Variants in CNTNAP2 observed in about 807,000 individuals in gnomAD.
CNTNAP2 encodes contactin associated protein 2, also known as contactin-associated protein-like 2.
CNTNAP2 carries 98 observed loss-of-function variants against 155.2 expected under a neutral mutation model. The ratio of observed to expected loss-of-function variants is 0.63; its 90% CI spans 0.54 to 0.75. The LOEUF is 0.75. CNTNAP2 is among the 30% of genes least tolerant of loss of function. CNTNAP2 has a pLI of 0.00. For missense variants in CNTNAP2, 1,727 were observed against 1,688.1 expected (o/e 1.02, Z -0.40); for synonymous variants, 651 against 631.2 (o/e 1.03, Z -0.47).
intron 1 of CNTNAP2, among the ~76,000 whole-genome samples, chr7:146,150,692 G>A (rs766659711): frequency 6.6e-6 from 1 of 151,856 alleles, no homozygotes; most frequent in Non-Finnish European, 1.5e-5. Flanking sequence ...ACATTAAATA[G>A]TATTGTTGAT....
In CNTNAP2 at chr7:147,089,834, G is replaced by T. The variant is rs73469081; in HGVS notation, c.551-18313G>T. Among the ~76,000 whole-genome samples the T allele has an allele frequency of 8.1e-3, 1,233 of 152,212 alleles. 17 individuals carry two copies. Among genetic ancestry groups the T allele is most frequent in the African/African-American group, 0.028 (1,153 of 41,532 alleles). On this transcript the variant is annotated intron_variant, in intron 4 of 23. Transcript: ENST00000361727. ...AGAATTACAGATGATGGACTTGAAG[G>T]TGTTCATATAAGCACCCGTCCTCAC...
At chr7:146,834,206 A>G (rs547208397) in intron 2 of CNTNAP2, among the ~76,000 whole-genome samples, 4 of 152,248 alleles carry the variant, frequency 2.6e-5, no homozygotes, top group East Asian at 1.9e-4. Context: ...CAGAAACTCC[A>G]TGGCCTCTCT....
chr7:147,669,072 C>T (rs1795744964), intron 13 of CNTNAP2, among the ~76,000 whole-genome samples: 1 of 152,138 alleles, frequency 6.6e-6, no homozygotes, highest in African/African-American at 2.4e-5. Context: ...ACACACTGTA[C>T]AGGTTTATAA....
At chr7:146,837,297 C>T (rs1295122577) in intron 2 of CNTNAP2, among the ~76,000 whole-genome samples, 1 of 151,844 alleles carries the variant, frequency 6.6e-6, no homozygotes, top group African/African-American at 2.4e-5. Context: ...CTTATATGGC[C>T]CTACATTCTA....
At position 148,031,671 on chromosome 7, in the gene CNTNAP2, G is replaced by T. The variant is rs1342954796; in HGVS notation, c.2383+53682G>T. Among the ~76,000 whole-genome samples the T allele has an allele frequency of 2.0e-5, 3 of 152,152 alleles. No homozygotes were observed. In the East Asian group the frequency reaches 5.8e-4, roughly 29 times the overall value. On this transcript the variant is annotated intron_variant, in intron 15 of 23. Transcript: ENST00000361727. ...AGAAATGTTCGGCCCAGGGTCAGTG[G>T]TGTTGCCCAGGGGAATAGCCTTCCT...
At chr7:146,696,812 T>G (rs948817264) in intron 1 of CNTNAP2, among the ~76,000 whole-genome samples, 1 of 152,196 alleles carries the variant, frequency 6.6e-6, no homozygotes, top group Non-Finnish European at 1.5e-5. Flanking sequence ...GCAAATATTT[T>G]GGAATTTTCA....
chr7:146,642,168 A>T (rs1799720370), intron 1 of CNTNAP2, among the ~76,000 whole-genome samples: 1 of 150,072 alleles, frequency 6.7e-6, no homozygotes, highest in South Asian at 2.1e-4. Flanking sequence ...TTTTAATTTT[A>T]TTATTATACT....
intron 8 of CNTNAP2, among the ~76,000 whole-genome samples, chr7:147,138,701 G>A (rs1276864995): frequency 6.6e-6 from 1 of 151,964 alleles, no homozygotes; most frequent in East Asian, 1.9e-4. Context: ...TCTTTAGAAA[G>A]CAAAAGGGAC....
chr7:146,301,985 AACTCTTCTTCC>A (rs1800619996), intron 1 of CNTNAP2, among the ~76,000 whole-genome samples: 1 of 152,148 alleles, frequency 6.6e-6, no homozygotes. Context: ...GAAAAGGTAC[AACTCTTCTTCC>A]ACTCTTTCTG....
chr7:147,643,977 TA>T (rs1470746051), intron 13 of CNTNAP2, among the ~76,000 whole-genome samples: 2 of 152,206 alleles, frequency 1.3e-5, no homozygotes, highest in Non-Finnish European at 2.9e-5. Flanking sequence ...CTACAAAACT[TA>T]AAAATGGAAA....
At chr7:146,876,580 A>G (rs1328780540) in intron 3 of CNTNAP2, among the ~76,000 whole-genome samples, 1 of 152,154 alleles carries the variant, frequency 6.6e-6, no homozygotes, top group East Asian at 1.9e-4. Flanking sequence ...TTCATCTTTC[A>G]TTATTAATCC....
chr7:146,255,167 C>T (rs1311400886), intron 1 of CNTNAP2, among the ~76,000 whole-genome samples: 3 of 152,224 alleles, frequency 2.0e-5, no homozygotes, highest in Non-Finnish European at 2.9e-5. Context: ...TGTTGAATTT[C>T]GGCATAGAGA....
rs1796673522 is a variant in CNTNAP2, at chr7:146,928,870, AGGGAGGCTGG to A, written c.402+88973_402+88982del. On this transcript the variant is annotated intron_variant, in intron 3 of 23. Coordinates refer to ENST00000361727, the MANE Select transcript of CNTNAP2 (RefSeq NM_014141.6). ...GTCTGAGATCAAACTGCAAGGTGGCAGGGAGGCTGGGGGAGGGGCGCCTGCCATTGCCCAG... is the reference window on the plus strand; with the variant it reads ...GTCTGAGATCAAACTGCAAGGTGGCAGGGAGGGGCGCCTGCCATTGCCCAG... Among the ~76,000 whole-genome samples, 9 of 152,334 alleles carry A rather than the reference AGGGAGGCTGG, an allele frequency of 5.9e-5. No homozygotes were observed. The South Asian group carries it at 1.9e-3, about 32-fold the overall frequency.
intron 8 of CNTNAP2, among the ~76,000 whole-genome samples, chr7:147,251,143 G>A (rs886108125): frequency 1.3e-5 from 2 of 152,054 alleles, no homozygotes; most frequent in Non-Finnish European, 2.9e-5. Flanking sequence ...ATTAGTCCTC[G>A]CTAGAGGACT....
intron 10 of CNTNAP2, among the ~76,000 whole-genome samples, chr7:147,440,782 TACG>T (rs1330355818): frequency 2.6e-5 from 4 of 152,184 alleles, no homozygotes; most frequent in African/African-American, 9.6e-5. Context: ...AAATATGTCA[TACG>T]ACTCTCTTCT....
At chr7:147,527,628 A>G (rs1369178728) in intron 11 of CNTNAP2, among the ~76,000 whole-genome samples, 1 of 152,244 alleles carries the variant, frequency 6.6e-6, no homozygotes, top group Non-Finnish European at 1.5e-5. Flanking sequence ...CACATTACAT[A>G]GCAGAATTTA....
At chr7:147,078,314 T>A (rs1388762300) in intron 4 of CNTNAP2, among the ~76,000 whole-genome samples, 1 of 152,228 alleles carries the variant, frequency 6.6e-6, no homozygotes, top group Non-Finnish European at 1.5e-5. Flanking sequence ...TACTCATTAA[T>A]TAAAGTAGAA....
intron 1 of CNTNAP2, among the ~76,000 whole-genome samples, chr7:146,410,474 G>A (rs1795850104): frequency 6.6e-6 from 1 of 152,110 alleles, no homozygotes; most frequent in Non-Finnish European, 1.5e-5. Context: ...GAACTCTTAA[G>A]GGGCACTTTA....
intron 3 of CNTNAP2, among the ~76,000 whole-genome samples, chr7:146,865,523 A>T (rs1795187504): frequency 6.6e-6 from 1 of 152,168 alleles, no homozygotes; most frequent in African/African-American, 2.4e-5. Flanking sequence ...AATTTTAATA[A>T]AGCCACCAAT....
Sources: allele counts gnomAD v4.1 joint callset (sites outside exome capture counted in the v4.1 genomes callset), GRCh38; gene constraint gnomAD v4.1.1; transcripts MANE v1.5; gene names NCBI Gene and HGNC (gene_info 2026-07-23, HGNC 2026-07-21).